C16orf78: variants seen among roughly 807,000 people sequenced by gnomAD.
The protein encoded by C16orf78 is chromosome 16 open reading frame 78.
In C16orf78, 19 loss-of-function variants were observed where a neutral mutation model predicts 27.3. The observed-to-expected ratio is 0.70, with a 90% CI of 0.49 to 1.02. The LOEUF is 1.02. Ranked by LOEUF, C16orf78 falls within the 50% of genes least tolerant of loss-of-function variation. The pLI is 0.00. For synonymous variants in C16orf78, 130 were observed against 116.1 expected, an observed-to-expected ratio of 1.12 and a Z score of -0.77; for missense variants, 339 against 337.0, an observed-to-expected ratio of 1.01 and a Z score of -0.05.
chr16:49,399,330 C>G lies in C16orf78; in HGVS notation c.*52C>G, dbSNP rs778744316. 2 of 1,593,334 alleles carry G rather than the reference C, an allele frequency of 1.3e-6. No homozygotes were observed. Among genetic ancestry groups the G allele is most frequent in the Non-Finnish European group, 1.7e-6 (2 of 1,166,042 alleles). On this transcript the variant is annotated 3_prime_UTR_variant, in exon 5 of 5. Transcript: ENST00000299191. Reference sequence around the variant, plus strand: ...GCTCCTTCTGTCATGGGACCCTTCACCTCCAGATGCCATCCTCTGGCACAC... The same window carrying G: ...GCTCCTTCTGTCATGGGACCCTTCAGCTCCAGATGCCATCCTCTGGCACAC...
chr16:49,378,660 C>T (rs949764316), intron 3 of C16orf78, 67 bp downstream of exon 3: 13 of 1,595,502 alleles, frequency 8.1e-6, no homozygotes, highest in African/African-American at 4.1e-5. Context: ...TAGAAGAAAC[C>T]GAAAGCTCAC....
At chr16:49,396,296 A>G in intron 3 of C16orf78, 127 bp from the exon 4 acceptor site, 5 of 985,224 alleles carry the variant, frequency 5.1e-6, no homozygotes, top group Non-Finnish European at 7.6e-6. Flanking sequence ...CCACGAAAAG[A>G]CCTCATATCT....
At chr16:49,374,549 T>G (rs1965192088) in intron 1 of C16orf78, among the ~76,000 whole-genome samples, 1 of 152,230 alleles carries the variant, frequency 6.6e-6, no homozygotes, top group African/African-American at 2.4e-5. Flanking sequence ...TAAAGTTTAG[T>G]CAAGCTGGGC....
intron 3 of C16orf78, among the ~76,000 whole-genome samples, chr16:49,389,160 C>A (rs576927845): frequency 6.6e-6 from 1 of 152,120 alleles, no homozygotes; most frequent in Non-Finnish European, 1.5e-5. Flanking sequence ...CGGTGGCTCA[C>A]GCCTGTAATC....
intron 3 of C16orf78, among the ~76,000 whole-genome samples, chr16:49,386,539 C>T (rs1189213355): frequency 6.6e-6 from 1 of 152,088 alleles, no homozygotes; most frequent in African/African-American, 2.4e-5. Context: ...TATTTCATCA[C>T]CCAGGTGTTG....
At position 49,378,842 on chromosome 16, in the gene C16orf78, C is replaced by T. The variant is rs1255746649; in HGVS notation, c.394+249C>T. Among the ~76,000 whole-genome samples the T allele has an allele frequency of 2.6e-5, 4 of 152,064 alleles. No homozygotes were observed. The East Asian group carries it at 7.7e-4, about 29-fold the overall frequency. On this transcript the variant is annotated intron_variant, in intron 3 of 4. Coordinates refer to ENST00000299191, the MANE Select transcript of C16orf78 (RefSeq NM_144602.4). ...AGGCCCTGCCCCATCTCGAGTGTTC[C>T]CTTCTCAGGAAACCAGCCTCATGTG...
rs1965186755 is a variant in C16orf78, at chr16:49,374,040, T to C, written c.101T>C (p.Val34Ala). The change falls in exon 1 of 5, where the codon GTG (valine) becomes GCG (alanine). Residue 34 changes from valine (V) to alanine (A), a missense_variant. Transcript: ENST00000299191. ...AGGCGCATGTCTGACCTCACCTGTG[T>C]GCTGGAGTGGCTGGAGCGGAGGCAG... The part of the protein sequence containing the change: ...EDRRMSDLTC[V>A]LEWLERRQGK... 19 of 1,614,142 alleles carry C rather than the reference T, an allele frequency of 1.2e-5. No individual in the cohort carries two copies. The highest frequency in any genetic ancestry group is 1.6e-5 in the Non-Finnish European group (19 of 1,180,020).
chr16:49,377,044 C>A (rs1965227969), intron 1 of C16orf78, among the ~76,000 whole-genome samples: 1 of 152,222 alleles, frequency 6.6e-6, no homozygotes, highest in African/African-American at 2.4e-5. Flanking sequence ...CCTTTAAGTG[C>A]TTCTGCTGGG....
intron 3 of C16orf78, among the ~76,000 whole-genome samples, chr16:49,396,011 G>A (rs535558801): frequency 1.9e-4 from 29 of 152,302 alleles, no homozygotes; most frequent in African/African-American, 6.7e-4. Context: ...GGGAGGCTGA[G>A]GCAGGTGGAC....
intron 3 of C16orf78, among the ~76,000 whole-genome samples, chr16:49,388,014 G>A (rs906656725): frequency 6.6e-6 from 1 of 152,092 alleles, no homozygotes; most frequent in Non-Finnish European, 1.5e-5. Flanking sequence ...GCCAGCTGTG[G>A]TGGCTCACAC....
chr16:49,382,650 A>G (rs1596923219), intron 3 of C16orf78, among the ~76,000 whole-genome samples: 1 of 152,262 alleles, frequency 6.6e-6, no homozygotes, highest in East Asian at 1.9e-4. Flanking sequence ...TCAGGCCACC[A>G]AATTTAAGGA....
chr16:49,392,162 A>G (rs1334991002), intron 3 of C16orf78, among the ~76,000 whole-genome samples: 1 of 152,200 alleles, frequency 6.6e-6, no homozygotes, highest in Non-Finnish European at 1.5e-5. Context: ...TACAGACAGA[A>G]TAATTTACTT....
intron 4 of C16orf78, among the ~76,000 whole-genome samples, chr16:49,398,529 C>A (rs902319550): frequency 6.6e-6 from 1 of 152,166 alleles, no homozygotes; most frequent in Admixed American, 6.5e-5. Flanking sequence ...CATTGCTCAG[C>A]GATTATTTCC....
chr16:49,393,604 A>G (rs1965439304), intron 3 of C16orf78, among the ~76,000 whole-genome samples: 1 of 152,192 alleles, frequency 6.6e-6, no homozygotes, highest in South Asian at 2.1e-4. Context: ...TATGCTCAGA[A>G]GAAAATTTAC....
At chr16:49,387,458 T>C (rs1306337077) in intron 3 of C16orf78, among the ~76,000 whole-genome samples, 1 of 152,196 alleles carries the variant, frequency 6.6e-6, no homozygotes, top group African/African-American at 2.4e-5. Context: ...TGTCAGCATT[T>C]TGTTGAGGCT....
At chr16:49,397,209 T>G (rs1055050041) in intron 4 of C16orf78, among the ~76,000 whole-genome samples, 3 of 152,238 alleles carry the variant, frequency 2.0e-5, no homozygotes, top group Non-Finnish European at 1.5e-5. Context: ...ATCAGGGCTC[T>G]CTGGTTTTCA....
At chr16:49,385,965 A>G (rs976005689) in intron 3 of C16orf78, among the ~76,000 whole-genome samples, 1 of 152,236 alleles carries the variant, frequency 6.6e-6, no homozygotes, top group African/African-American at 2.4e-5. Context: ...TACGCTGCCC[A>G]TGAGAGACTC....
At chr16:49,394,878 T>C (rs1965452607) in intron 3 of C16orf78, among the ~76,000 whole-genome samples, 1 of 152,102 alleles carries the variant, frequency 6.6e-6, no homozygotes, top group African/African-American at 2.4e-5. Flanking sequence ...GTTTGTTTGT[T>C]TGTTTTTGAG....
Position 49,399,357 on chromosome 16 carries a change from A to G in C16orf78, c.*79A>G, listed in dbSNP as rs1965513636. The G allele has an allele frequency of 4.6e-6, 7 of 1,526,384 alleles. No homozygotes were observed. Among genetic ancestry groups the G allele is most frequent in the South Asian group, 3.6e-5 (3 of 82,544 alleles). The allele number at this position is 1,526,384 out of a possible 1,614,324, so 94.6% of individuals were successfully genotyped here. On this transcript the variant is annotated 3_prime_UTR_variant, in exon 5 of 5. Transcript: ENST00000299191. ...TCCAGATGCCATCCTCTGGCACACT[A>G]CAAGTGGTCCTTCCAACTTAGTGCA...
Sources: allele counts gnomAD v4.1 joint callset (sites outside exome capture counted in the v4.1 genomes callset), GRCh38; gene constraint gnomAD v4.1.1; transcripts MANE v1.5; gene names NCBI Gene and HGNC (gene_info 2026-07-23, HGNC 2026-07-21).